The following SCAI variants were observed in gnomAD, a reference collection of about 807,000 sequenced individuals.
SCAI encodes the protein suppressor of cancer cell invasion.
SCAI carries 24 observed loss-of-function variants against 92.2 expected under a neutral mutation model. That is an observed-to-expected ratio of 0.26 (90% CI 0.19 to 0.37). The LOEUF (loss-of-function observed/expected upper bound fraction) is 0.37, where lower values mean the gene tolerates loss of function less well. SCAI is among the 10% of genes least tolerant of loss of function. The pLI, the probability that SCAI is intolerant of heterozygous loss-of-function variation, is 1.00. For missense variants in SCAI, 450 were observed against 736.2 expected, an observed-to-expected ratio of 0.61 and a Z score of 4.50; for synonymous variants, 261 against 258.6, an observed-to-expected ratio of 1.01 and a Z score of -0.09.
At chr9:125,032,533 T>C (rs950147121) in intron 3 of SCAI, among the ~76,000 whole-genome samples, 5 of 151,560 alleles carry the variant, frequency 3.3e-5, no homozygotes, top group African/African-American at 1.2e-4. Context: ...TATCTTGCTA[T>C]TGGTGTCACC....
intron 17 of SCAI, among the ~76,000 whole-genome samples, chr9:124,962,288 T>C (rs1662460689): frequency 1.3e-5 from 2 of 151,400 alleles, no homozygotes; most frequent in South Asian, 2.1e-4. Context: ...GCCTCCCGAG[T>C]AGCTGAGACT....
intron 2 of SCAI, among the ~76,000 whole-genome samples, chr9:125,114,395 T>C (rs1253525400): frequency 6.6e-6 from 1 of 152,172 alleles, no homozygotes; most frequent in African/African-American, 2.4e-5. Context: ...AAATAAAGTT[T>C]TTTCCTTAAA....
intron 2 of SCAI, among the ~76,000 whole-genome samples, chr9:125,098,094 G>T (rs1009235878): frequency 6.6e-6 from 1 of 151,340 alleles, no homozygotes; most frequent in African/African-American, 2.4e-5. Flanking sequence ...TCACTCTGTT[G>T]CCCAGGCTAG....
chr9:124,983,122 A>C (rs1187497017), intron 14 of SCAI, among the ~76,000 whole-genome samples: 7 of 151,184 alleles, frequency 4.6e-5, no homozygotes, highest in African/African-American at 1.7e-4. Flanking sequence ...ACTGCACTCC[A>C]TGCACTCCAG....
intron 3 of SCAI, among the ~76,000 whole-genome samples, chr9:125,043,856 G>A (rs963800838): frequency 6.6e-6 from 1 of 152,176 alleles, no homozygotes; most frequent in Non-Finnish European, 1.5e-5. Flanking sequence ...CAGAATGGGT[G>A]GAGGCCAGGA....
At chr9:124,963,467 G>A (rs539598891) in intron 17 of SCAI, among the ~76,000 whole-genome samples, 11 of 151,996 alleles carry the variant, frequency 7.2e-5, no homozygotes, top group Middle Eastern at 6.8e-3. Flanking sequence ...AAATTGGCCA[G>A]GGCTGAGCAC....
At chr9:124,953,338 G>T (rs989762349) in intron 17 of SCAI, among the ~76,000 whole-genome samples, 1 of 152,066 alleles carries the variant, frequency 6.6e-6, no homozygotes, top group Admixed American at 6.5e-5. Context: ...ATTAAAATGA[G>T]GCTGGGGCAG....
intron 2 of SCAI, among the ~76,000 whole-genome samples, chr9:125,086,008 A>G (rs1834318706): frequency 1.3e-5 from 2 of 152,210 alleles, no homozygotes; most frequent in African/African-American, 4.8e-5. Context: ...GTAATTTTTT[A>G]GCCAATTTAA....
chr9:124,964,828 C>T (rs1240808227), intron 17 of SCAI, among the ~76,000 whole-genome samples: 3 of 152,192 alleles, frequency 2.0e-5, no homozygotes, highest in Non-Finnish European at 4.4e-5. Context: ...TCTTGTTGTA[C>T]TGGCAGCTGG....
rs1386690955 is a variant in SCAI at position 124,944,131 on chromosome 9, TGGA to T, written c.*8673_*8675del. ...GTTTATTAAAAATAAGCAAAAAAGT[TGGA>T]GAACTAGCCATATGGTCTATGTGGC... On this transcript the variant is annotated 3_prime_UTR_variant, in exon 18 of 18. Transcript: ENST00000336505. 6.6e-6 allele frequency: 1 copy of T among 152,132 alleles called. No individual in the cohort carries two copies. Among genetic ancestry groups the T allele is most frequent in the Non-Finnish European group, 1.5e-5 (1 of 68,020 alleles). The allele number at this position is 152,132 out of a possible 1,614,324, so 9.4% of individuals were successfully genotyped here. A position where few individuals can be genotyped will look rare whatever the true frequency, so the allele number is the denominator to read the frequency against.
rs111476708 is a variant in SCAI at position 124,977,503 on chromosome 9, G to A, written c.1327-1317C>T. Among the ~76,000 whole-genome samples the A allele has an allele frequency of 9.9e-3, 1,503 of 152,094 alleles. 22 individuals are homozygous for A. Among genetic ancestry groups the A allele is most frequent in the African/African-American group, 0.034 (1,431 of 41,492 alleles). ...AGCCTGGGCAAAATAGTGAGACCCC[G>A]ACTCTACAAAGAATAGAAAAATTAG... On this transcript the variant is annotated intron_variant, in intron 14 of 17. Transcript: ENST00000336505.
At chr9:124,986,641 G>A (rs1414039267) in intron 14 of SCAI, among the ~76,000 whole-genome samples, 1 of 152,134 alleles carries the variant, frequency 6.6e-6, no homozygotes, top group Non-Finnish European at 1.5e-5. Context: ...TTTCCCAGCA[G>A]TAACAAAAAA....
In SCAI at chr9:125,026,967, A is replaced by G. The variant is rs1263664693; in HGVS notation, c.414-57T>C. ...AGTGTCAGAGACTCTTCACCATGGT[A>G]AATACTTGTTCTATATACCGCTGTA... On this transcript the variant is annotated intron_variant, in intron 5 of 17. Coordinates refer to ENST00000336505, the MANE Select transcript of SCAI (RefSeq NM_001144877.3). 5 of 1,038,434 alleles carry G rather than the reference A, an allele frequency of 4.8e-6. No homozygotes were observed. In the East Asian group the frequency reaches 1.2e-4, roughly 25 times the overall value. 64.3% of individuals were successfully genotyped at this position (1,038,434 alleles called of 1,614,324 possible). A position where few individuals can be genotyped will look rare whatever the true frequency, so the allele number is the denominator to read the frequency against.
chr9:124,985,256 T>C (rs534986121), intron 14 of SCAI, among the ~76,000 whole-genome samples: 212 of 152,308 alleles, frequency 1.4e-3, no homozygotes, highest in African/African-American at 4.9e-3. Flanking sequence ...AAAACATTTT[T>C]TCTTGATGCT....
At chr9:124,987,911 C>A (rs556949697) in intron 14 of SCAI, among the ~76,000 whole-genome samples, 2 of 152,136 alleles carry the variant, frequency 1.3e-5, no homozygotes, top group South Asian at 2.1e-4. Context: ...TGTAGTGAGC[C>A]AAGATCATGC....
chr9:125,012,799 C>T (rs373306720), intron 9 of SCAI, among the ~76,000 whole-genome samples: 2,967 of 151,448 alleles, frequency 0.02, 88 homozygotes, highest in African/African-American at 0.067. Flanking sequence ...CCTCAGCAAA[C>T]GTAAAAGATC....
chr9:125,094,052 G>T (rs1332981067), intron 2 of SCAI, among the ~76,000 whole-genome samples: 1 of 151,630 alleles, frequency 6.6e-6, no homozygotes, highest in African/African-American at 2.4e-5. Context: ...TTCTCGGTTG[G>T]AGCAACTCCA....
At chr9:125,015,528 A>G (rs1320552446) in intron 9 of SCAI, among the ~76,000 whole-genome samples, 2 of 151,806 alleles carry the variant, frequency 1.3e-5, no homozygotes. Flanking sequence ...AAAAGTCAGG[A>G]AACAGGTGCT....
At chr9:125,063,153 TAATCCCAGC>T (rs1833808761) in intron 2 of SCAI, among the ~76,000 whole-genome samples, 1 of 149,960 alleles carries the variant, frequency 6.7e-6, no homozygotes, top group Non-Finnish European at 1.5e-5. Context: ...CTCACGCCTG[TAATCCCAGC>T]ACTTTGGGAG....
Sources: gnomAD v4.1 joint callset for allele counts (sites outside exome capture counted in the v4.1 genomes callset) on GRCh38, gnomAD v4.1.1 for gene constraint, MANE v1.5 for transcripts, NCBI Gene and HGNC (gene_info 2026-07-23, HGNC 2026-07-21) for gene names.